KAT6B: variants seen among roughly 807,000 people sequenced by gnomAD.
The protein encoded by KAT6B is lysine acetyltransferase 6B, also known as histone acetyltransferase KAT6B.
In KAT6B, 10 loss-of-function variants were observed where a neutral mutation model predicts 187.5. That is an observed-to-expected ratio of 0.05 (90% confidence interval 0.03 to 0.09). The LOEUF is 0.09. Among genes scored for constraint, KAT6B ranks in the 10% least tolerant of loss-of-function variants. The pLI is 1.00. For missense variants in KAT6B, 1,952 were observed against 2,558.9 expected (o/e 0.76, Z 5.12); for synonymous variants, 861 against 926.8 (o/e 0.93, Z 1.29).
chr10:74,868,314 C>T (rs1005258438), intron 3 of KAT6B, among the ~76,000 whole-genome samples: 10 of 152,176 alleles, frequency 6.6e-5, no homozygotes, highest in African/African-American at 2.4e-4. Context: ...AAGCAATCCT[C>T]CTGCTTCAGC....
At chr10:75,019,781 T>C (rs917175135) in intron 13 of KAT6B, among the ~76,000 whole-genome samples, 9 of 151,446 alleles carry the variant, frequency 5.9e-5, no homozygotes, top group Non-Finnish European at 1.2e-4. Context: ...TTTTTTTTTT[T>C]CCATTTTTAA....
chr10:74,917,669 T>A (rs1018273736), intron 3 of KAT6B, among the ~76,000 whole-genome samples: 1 of 152,306 alleles, frequency 6.6e-6, no homozygotes, highest in Non-Finnish European at 1.5e-5. Flanking sequence ...TTGTACTATC[T>A]CCCTAGAGAA....
intron 3 of KAT6B, among the ~76,000 whole-genome samples, chr10:74,908,415 G>T (rs1260777228): frequency 6.6e-6 from 1 of 152,016 alleles, no homozygotes; most frequent in African/African-American, 2.4e-5. Context: ...GCAAAAATTA[G>T]CTGGGCATGG....
intron 1 of KAT6B, among the ~76,000 whole-genome samples, chr10:74,836,626 T>C (rs987630747): frequency 6.6e-6 from 1 of 152,186 alleles, no homozygotes; most frequent in South Asian, 2.1e-4. Flanking sequence ...ATAAGAAATA[T>C]CACCATATGG....
At chr10:74,938,552 T>G (rs1230685664) in intron 3 of KAT6B, among the ~76,000 whole-genome samples, 1 of 152,220 alleles carries the variant, frequency 6.6e-6, no homozygotes. Context: ...TAGATGGGTC[T>G]ATGCTTACTG....
chr10:74,842,863 A>T lies in KAT6B; in HGVS notation c.6A>T (p.Val2=). M[V]KLANPLYTEW... Reference sequence around the variant, plus strand: ...GAAGAAGTCATTTGTCAACCATGGTAAAACTTGCAAACCCACTTTATACAG... The same window carrying T: ...GAAGAAGTCATTTGTCAACCATGGTTAAACTTGCAAACCCACTTTATACAG... The change falls in exon 3 of 18, where the codon GTA becomes GTT. Residue 2 remains valine, a synonymous_variant. Coordinates refer to ENST00000287239, the MANE Select transcript of KAT6B (RefSeq NM_012330.4). 6.2e-7 allele frequency: 1 copy of T among 1,614,122 alleles called. No homozygotes were observed. The highest frequency in any genetic ancestry group is 2.2e-5 in the East Asian group (1 of 44,886).
chr10:74,932,519 A>G (rs905589722), intron 3 of KAT6B, among the ~76,000 whole-genome samples: 1 of 152,204 alleles, frequency 6.6e-6, no homozygotes, highest in African/African-American at 2.4e-5. Context: ...ACAAGTTCTG[A>G]AAACATAGAT....
At chr10:74,982,201 T>A (rs1034785842) in intron 11 of KAT6B, 1 of 414,706 alleles carries the variant, frequency 2.4e-6, no homozygotes, top group African/African-American at 2.0e-5. Flanking sequence ...CATGAATTTA[T>A]GATCTCCTCA....
intron 3 of KAT6B, among the ~76,000 whole-genome samples, chr10:74,905,782 T>C (rs192803538): frequency 1.0e-3 from 159 of 152,290 alleles, no homozygotes; most frequent in African/African-American, 3.2e-3. Context: ...AAAAGCAAAC[T>C]GACTCTTGGT....
intron 3 of KAT6B, among the ~76,000 whole-genome samples, chr10:74,948,690 T>TA (rs963291975): frequency 2.0e-5 from 3 of 152,252 alleles, no homozygotes; most frequent in Non-Finnish European, 1.5e-5. Context: ...CTCTAGCTGA[T>TA]ACACAGCTCT....
Position 75,025,050 on chromosome 10 carries a change from A to G in KAT6B, c.3465A>G (p.Val1155=), listed in dbSNP as rs749374416. ...AGACCATTTCAGAGACGACAGAAGT[A>G]CTGAATGAGCCCTTTGACAACTCAG... The part of the protein sequence containing the change: ...TTETISETTE[V]LNEPFDNSDE... Residue 1155 remains valine, a synonymous_variant, in exon 17 of 18, where the codon GTA becomes GTG. Coordinates refer to ENST00000287239, the MANE Select transcript of KAT6B (RefSeq NM_012330.4). 3.4e-5 allele frequency: 55 copies of G among 1,614,124 alleles called. No individual in the cohort carries two copies. The highest frequency in any genetic ancestry group is 3.3e-4 in the Middle Eastern group (2 of 6,082).
intron 13 of KAT6B, among the ~76,000 whole-genome samples, chr10:75,019,076 C>T (rs1389362348): frequency 6.6e-6 from 1 of 152,198 alleles, no homozygotes; most frequent in Non-Finnish European, 1.5e-5. Flanking sequence ...CTGGCTTCGG[C>T]ACAGTGGCCA....
In KAT6B at chr10:74,941,751, T is replaced by A. The variant is rs536115211; in HGVS notation, c.622-18219T>A. 2.0e-5 allele frequency among the ~76,000 whole-genome samples: 3 copies of A among 152,202 alleles called. No homozygotes were observed. In the South Asian group the frequency reaches 6.2e-4, roughly 32 times the overall value. On this transcript the variant is annotated intron_variant, in intron 3 of 17. Coordinates refer to ENST00000287239, the MANE Select transcript of KAT6B (RefSeq NM_012330.4). ...GACAACATAATAGTGATGAAATCTA[T>A]CAAATCTTTAACAATACAAATGTTA...
chr10:74,861,411 TAAC>T (rs1843179412), intron 3 of KAT6B, among the ~76,000 whole-genome samples: 1 of 152,226 alleles, frequency 6.6e-6, no homozygotes, highest in Non-Finnish European at 1.5e-5. Context: ...GAATGAATAA[TAAC>T]AACCAACATT....
At chr10:74,976,717 C>G in intron 8 of KAT6B, 1 of 323,034 alleles carries the variant, frequency 3.1e-6, no homozygotes, top group Middle Eastern at 1.1e-3. Context: ...GTCAGTGCTT[C>G]CAACAGGGGG....
At chr10:74,949,951 A>C (rs112403583) in intron 3 of KAT6B, among the ~76,000 whole-genome samples, 18 of 152,228 alleles carry the variant, frequency 1.2e-4, no homozygotes, top group African/African-American at 4.3e-4. Flanking sequence ...CACATTCAAG[A>C]TCTCCATACA....
At chr10:75,012,177 A>G (rs1039860706) in intron 13 of KAT6B, among the ~76,000 whole-genome samples, 1 of 152,066 alleles carries the variant, frequency 6.6e-6, no homozygotes, top group Non-Finnish European at 1.5e-5. Context: ...GCCAGGTGCA[A>G]TGGCTCACAC....
At chr10:74,924,730 A>G (rs1230084865) in intron 3 of KAT6B, among the ~76,000 whole-genome samples, 1 of 152,178 alleles carries the variant, frequency 6.6e-6, no homozygotes. Flanking sequence ...CTTACTTCCT[A>G]CTATGCTGAT....
In KAT6B at chr10:74,880,055, T is replaced by C. The variant is rs913758144; in HGVS notation, c.621+36577T>C. Among the ~76,000 whole-genome samples, 6 of 152,102 alleles carry C rather than the reference T, an allele frequency of 3.9e-5. No individual in the cohort carries two copies. In the East Asian group the frequency reaches 1.2e-3, roughly 29 times the overall value. ...CCATCTCAAAAAATAATAATAAAAA[T>C]AAAGGTAGATTAAAAAAAAAGAGAC... On this transcript the variant is annotated intron_variant, in intron 3 of 17. Coordinates refer to ENST00000287239, the MANE Select transcript of KAT6B (RefSeq NM_012330.4).
Sources: gnomAD v4.1 joint callset for allele counts (sites outside exome capture counted in the v4.1 genomes callset) on GRCh38, gnomAD v4.1.1 for gene constraint, MANE v1.5 for transcripts, NCBI Gene and HGNC (gene_info 2026-07-23, HGNC 2026-07-21) for gene names.